NAV1: variants seen among roughly 807,000 people sequenced by gnomAD.
NAV1 encodes neuron navigator 1.
Under a neutral mutation model 175.2 loss-of-function variants are expected in NAV1, and 18 were observed. The observed-to-expected ratio is 0.10, with a 90% confidence interval of 0.07 to 0.15. The LOEUF (loss-of-function observed/expected upper bound fraction) is 0.15, where lower values mean the gene tolerates loss of function less well. Among genes scored for constraint, NAV1 ranks in the 10% least tolerant of loss-of-function variants. NAV1 has a pLI of 1.00. For synonymous variants in NAV1, 897 were observed against 978.7 expected (o/e 0.92, Z 1.56); for missense variants, 1,731 against 2,436.6 (o/e 0.71, Z 6.10).
At chr1:201,562,531 G>A (rs1384154776) in intron 1 of NAV1, among the ~76,000 whole-genome samples, 2 of 152,312 alleles carry the variant, frequency 1.3e-5, no homozygotes, top group African/African-American at 4.8e-5. Context: ...GGCAGGACAG[G>A]GTTAGTGGGC....
rs533960591 is a variant in NAV1 at position 201,642,787 on chromosome 1, T to C, written c.5-5847T>C. Among the ~76,000 whole-genome samples the C allele has an allele frequency of 1.1e-4, 16 of 150,828 alleles. No homozygotes were observed. In the South Asian group the frequency reaches 3.2e-3, roughly 30 times the overall value. On this transcript the variant is annotated intron_variant, in intron 2 of 29. Transcript: ENST00000367302. Reference sequence around the variant, plus strand: ...TTCTTTTCTCTTCTCTTTTCTTTTCTTTCTCGGAGTCTTGCTCTGTCGCCC... The same window carrying C: ...TTCTTTTCTCTTCTCTTTTCTTTTCCTTCTCGGAGTCTTGCTCTGTCGCCC...
intron 3 of NAV1, among the ~76,000 whole-genome samples, chr1:201,745,160 C>T (rs1226889859): frequency 6.6e-6 from 1 of 152,168 alleles, no homozygotes; most frequent in Non-Finnish European, 1.5e-5. Context: ...AATTCTTGGA[C>T]GTTTACATCT....
At chr1:201,652,718 G>A (rs1196853087) in intron 1 of NAV1, among the ~76,000 whole-genome samples, 1 of 152,184 alleles carries the variant, frequency 6.6e-6, no homozygotes, top group Non-Finnish European at 1.5e-5. Context: ...GATGGGAAGG[G>A]GGTGTAGATT....
intron 3 of NAV1, among the ~76,000 whole-genome samples, chr1:201,757,043 G>A (rs933302060): frequency 2.6e-5 from 4 of 151,748 alleles, no homozygotes; most frequent in South Asian, 4.2e-4. Context: ...ACTGTTATAC[G>A]GACCTATGCG....
chr1:201,731,128 G>A (rs1359926210), intron 3 of NAV1, among the ~76,000 whole-genome samples: 1 of 152,102 alleles, frequency 6.6e-6, no homozygotes, highest in African/African-American at 2.4e-5. Flanking sequence ...AATATGCAGG[G>A]CAGGATCACG....
chr1:201,574,806 CACAG>C (rs1295128131), intron 1 of NAV1, among the ~76,000 whole-genome samples: 4 of 152,220 alleles, frequency 2.6e-5, no homozygotes, highest in Non-Finnish European at 5.9e-5. Flanking sequence ...TTATCCTCTG[CACAG>C]ACAGATTCAG....
rs369620477 is a variant in NAV1 at position 201,821,500 on chromosome 1, A to G, written c.*1568A>G. On this transcript the variant is annotated 3_prime_UTR_variant, in exon 30 of 30. Coordinates refer to ENST00000367296, the Ensembl canonical transcript of NAV1. The stretch of plus-strand genomic sequence containing the variant: ...TCACTATATACAAATCATTAGGTTA[A>G]AACAGACACACACACACACACACAC... 498 of 140,502 alleles carry G rather than the reference A, an allele frequency of 3.5e-3. 3 individuals carry two copies. The highest frequency in any genetic ancestry group is 0.011 in the Middle Eastern group (3 of 276). The allele number at this position is 140,502 out of a possible 1,614,324, so 8.7% of individuals were successfully genotyped here.
At chr1:201,709,116 T>C (rs1671788557) in intron 1 of NAV1, among the ~76,000 whole-genome samples, 1 of 133,868 alleles carries the variant, frequency 7.5e-6, no homozygotes, top group Admixed American at 8.1e-5. Context: ...TGCCACTCCA[T>C]CCCAGGAGAC....
At chr1:201,698,015 A>C (rs1671259729) in intron 1 of NAV1, among the ~76,000 whole-genome samples, 1 of 152,212 alleles carries the variant, frequency 6.6e-6, no homozygotes, top group Non-Finnish European at 1.5e-5. Flanking sequence ...ACCTTGCCCA[A>C]GGTCACAGTG....
chr1:201,716,680 A>G (rs1571903460), intron 2 of NAV1, among the ~76,000 whole-genome samples: 1 of 152,202 alleles, frequency 6.6e-6, no homozygotes, highest in African/African-American at 2.4e-5. Flanking sequence ...GGAGTTCAAG[A>G]CCAGCCTGGA....
In NAV1 at chr1:201,718,546, G is replaced by A. The variant is rs749222719; in HGVS notation, c.1017G>A (p.Ser339=). The stretch of plus-strand genomic sequence containing the variant: ...CCTCTGTGGGTGGGAGCTGCCGCTC[G>A]GAGGGGACGCCCGCCTGGTACATGC... The change falls in exon 3 of 30, where the codon TCG becomes TCA. Residue 339 remains serine, a synonymous_variant. Transcript: ENST00000367296. This position sits in a 1 kb window ranked among gnomAD's most constrained non-coding sequence, Gnocchi z 4.8. The A allele has an allele frequency of 2.5e-6, 4 of 1,613,316 alleles. No individual in the cohort carries two copies. The highest frequency in any genetic ancestry group is 1.1e-5 in the South Asian group (1 of 91,050).
chr1:201,590,730 C>T (rs1037341107), intron 2 of NAV1, among the ~76,000 whole-genome samples: 5 of 152,202 alleles, frequency 3.3e-5, no homozygotes, highest in African/African-American at 4.8e-5. Flanking sequence ...CTGGCTTAGC[C>T]GAGTCGGCCA....
chr1:201,704,510 G>A (rs187913071), intron 1 of NAV1, among the ~76,000 whole-genome samples: 26 of 152,350 alleles, frequency 1.7e-4, no homozygotes, highest in African/African-American at 6.3e-4. Context: ...TGAAGGAGGC[G>A]GCTTTTCCTG....
At chr1:201,809,381 C>T (rs963200718) in intron 21 of NAV1, 61 bp from the exon 26 acceptor site, 1 of 1,590,452 alleles carries the variant, frequency 6.3e-7, no homozygotes, top group Non-Finnish European at 8.6e-7. Context: ...GCCTTTAGGA[C>T]CCCGGTTCAT....
At chr1:201,656,042 C>T (rs889268755) in intron 1 of NAV1, among the ~76,000 whole-genome samples, 11 of 152,212 alleles carry the variant, frequency 7.2e-5, no homozygotes, top group Non-Finnish European at 1.2e-4. Flanking sequence ...GCTTTGGCTC[C>T]AGCAGGCCCC....
chr1:201,714,813 G>A (rs562467187), intron 2 of NAV1, among the ~76,000 whole-genome samples: 2 of 152,336 alleles, frequency 1.3e-5, no homozygotes, highest in African/African-American at 2.4e-5. Context: ...ACTCACAGGA[G>A]TAGGAGAGAA....
At chr1:201,806,067 C>G (rs1571511553) in intron 17 of NAV1, among the ~76,000 whole-genome samples, 1 of 151,662 alleles carries the variant, frequency 6.6e-6, no homozygotes, top group Non-Finnish European at 1.5e-5. Context: ...TCACTGTAAC[C>G]TCGGCCTCGC....
rs1346978551 is a variant in NAV1 at position 201,808,062 on chromosome 1, C to T, written c.3758C>T (p.Ser1253Phe). ...ACACCCGACTCTTCAGCCCCCTCAT[C>T]CCCCAAACTACAGCATGGTTCTACA... Residue 1253 changes from serine (S) to phenylalanine (F), a missense_variant, in exon 18 of 30, where the codon TCC becomes TTC. Coordinates refer to ENST00000367296, the Ensembl canonical transcript of NAV1. The surrounding 1 kb of genome is among the most constrained non-coding windows in gnomAD (Gnocchi z 5.5). 1 of 1,614,194 alleles carries T rather than the reference C, an allele frequency of 6.2e-7. No individual in the cohort carries two copies. Among genetic ancestry groups the T allele is most frequent in the Middle Eastern group, 1.6e-4 (1 of 6,062 alleles).
At position 201,788,509 on chromosome 1, in the gene NAV1, A is replaced by G. The variant is rs1223463886; in HGVS notation, c.3037A>G (p.Asn1013Asp). ...CACCACGCCAAGAATCACCCGCTCC[A>G]ACAGCATCCCCACCCACGAGGCGGC... is the stretch of plus-strand genomic sequence containing the variant. Residue 1013 changes from asparagine (N) to aspartate (D), a missense_variant, in exon 10 of 30, where the codon AAC (asparagine) becomes GAC (aspartate). By Grantham distance (23) the Asn-to-Asp change is conservative. Coordinates refer to ENST00000367296, the Ensembl canonical transcript of NAV1. This position sits in a 1 kb window ranked among gnomAD's most constrained non-coding sequence, Gnocchi z 5.7. 6.2e-7 allele frequency: 1 copy of G among 1,614,054 alleles called. No homozygotes were observed. Among genetic ancestry groups the G allele is most frequent in the Non-Finnish European group, 8.5e-7 (1 of 1,180,000 alleles).
Sources: gnomAD v4.1 joint callset for allele counts (sites outside exome capture counted in the v4.1 genomes callset) on GRCh38, gnomAD v4.1.1 for gene constraint, Gnocchi (gnomAD v3.1) non-coding constraint, MANE v1.5 for transcripts, NCBI Gene and HGNC (gene_info 2026-07-23, HGNC 2026-07-21) for gene names.